The following WNK2 variants were observed in gnomAD, a reference collection of about 807,000 sequenced individuals.
WNK2 encodes serine/threonine-protein kinase WNK2.
A neutral mutation model predicts 192.1 loss-of-function variants in WNK2; 67 were observed. That is an observed-to-expected ratio of 0.35 (90% CI 0.29 to 0.43). The LOEUF is 0.43. Among genes scored for constraint, WNK2 ranks in the 20% least tolerant of loss-of-function variants. The pLI, the probability that WNK2 is intolerant of heterozygous loss-of-function variation, is 1.00. For missense variants in WNK2, 2,698 were observed against 3,089.7 expected, an observed-to-expected ratio of 0.87 and a Z score of 3.01; for synonymous variants, 1,439 against 1,393.9, an observed-to-expected ratio of 1.03 and a Z score of -0.72.
In WNK2 at chr9:93,230,550, GCT is replaced by G. The variant is rs143556641; in HGVS notation, c.855-337_855-336del. Among the ~76,000 whole-genome samples, 65 of 152,314 alleles carry G rather than the reference GCT, an allele frequency of 4.3e-4. 1 individual carries two copies. The East Asian group carries it at 0.012, about 29-fold the overall frequency. On this transcript the variant is annotated intron_variant, in intron 3 of 29. Transcript: ENST00000427277. ...CCCTCACCCCCTCACCTGAGCATCT[GCT>G]GGCTGGTACTCCGTCCTGCCTTGGG... is the stretch of plus-strand genomic sequence containing the variant.
intron 7 of WNK2, among the ~76,000 whole-genome samples, chr9:93,243,220 C>A (rs367658205): frequency 6.6e-6 from 1 of 152,128 alleles, no homozygotes; most frequent in Non-Finnish European, 1.5e-5. Flanking sequence ...CTAGCTGCTC[C>A]GAAGACAGGC....
chr9:93,272,758 T>TAAAAA (rs75730042), intron 19 of WNK2, among the ~76,000 whole-genome samples: 1 of 66,374 alleles, frequency 1.5e-5, no homozygotes, highest in Admixed American at 1.5e-4. Flanking sequence ...AAAAAAAAAT[T>TAAAAA]CAAATAACCC....
rs918264617 is a variant in WNK2 at position 93,308,597 on chromosome 9, CGGGTGGGGCGGGTGCTCCTG to C, written c.6516+22_6516+41del. The C allele has an allele frequency of 7.0e-5, 22 of 313,838 alleles. No individual in the cohort carries two copies. Among genetic ancestry groups the C allele is most frequent in the Non-Finnish European group, 1.2e-4 (21 of 175,414 alleles). The allele number at this position is 313,838 out of a possible 1,614,324, so 19.4% of individuals were successfully genotyped here. On this transcript the variant is annotated intron_variant, in intron 28 of 29. Coordinates refer to ENST00000427277, the MANE Select transcript of WNK2 (RefSeq NM_006648.4). ...CGAGGCGCGGGCTGTGAGTGCGGGGCGGGTGGGGCGGGTGCTCCTGGGGTGGGGTAGCCTTGCCTCCAGCA... is the reference window on the plus strand; with the variant it reads ...CGAGGCGCGGGCTGTGAGTGCGGGGCGGGTGGGGTAGCCTTGCCTCCAGCA...
intron 28 of WNK2, among the ~76,000 whole-genome samples, chr9:93,314,183 G>A (rs1184997630): frequency 1.3e-5 from 2 of 152,158 alleles, no homozygotes; most frequent in African/African-American, 4.8e-5. Context: ...TCAGGAGGCT[G>A]AGGCAGGAGA....
chr9:93,211,618 T>TCACTCACCCACCCACTCATC (rs1006756483), intron 2 of WNK2, among the ~76,000 whole-genome samples: 8 of 149,276 alleles, frequency 5.4e-5, no homozygotes. Context: ...ACCCACTCAT[T>TCACTCACCCACCCACTCATC]CACTCACCCA....
chr9:93,301,589 C>G (rs976670230), intron 26 of WNK2, among the ~76,000 whole-genome samples: 3 of 152,168 alleles, frequency 2.0e-5, no homozygotes, highest in Non-Finnish European at 4.4e-5. Context: ...GCCTTCCCCC[C>G]CACCCCTGCG....
At chr9:93,241,483 A>C (rs909712188) in intron 7 of WNK2, among the ~76,000 whole-genome samples, 1 of 152,190 alleles carries the variant, frequency 6.6e-6, no homozygotes, top group Admixed American at 6.5e-5. Flanking sequence ...CGTCTGTTGA[A>C]AATGTCCATC....
At chr9:93,241,522 C>T (rs1396032667) in intron 7 of WNK2, among the ~76,000 whole-genome samples, 1 of 152,186 alleles carries the variant, frequency 6.6e-6, no homozygotes, top group African/African-American at 2.4e-5. Flanking sequence ...GATGATTCTT[C>T]CCAAGCTTCA....
intron 5 of WNK2, 102 bp downstream of exon 5, chr9:93,235,067 T>C: frequency 7.0e-7 from 1 of 1,427,566 alleles, no homozygotes; most frequent in Non-Finnish European, 9.5e-7. Context: ...TCCTGGCAGC[T>C]GTGTAAGGAG....
rs768001319 is a variant in WNK2, at chr9:93,292,830, C to T, written c.5365C>T (p.Arg1789Trp). 2.1e-5 allele frequency: 31 copies of T among 1,509,320 alleles called. No individual in the cohort carries two copies. In the East Asian group the frequency reaches 4.2e-4, roughly 20 times the overall value. The allele number at this position is 1,509,320 out of a possible 1,614,324, so 93.5% of individuals were successfully genotyped here. Residue 1789 changes from arginine (R) to tryptophan (W), a missense_variant, in exon 23 of 30, where the codon CGG (arginine) becomes TGG (tryptophan). Around this residue, in one of 7 missense-constraint regions of WNK2, gnomAD observed 1,098 missense variants for 1,101.0 expected, o/e 1.00. Transcript: ENST00000427277. ...PSSPDVKLAV[R>W]RAQTASSIEV... is the part of the protein sequence containing the mutation. ...CAGCCCCGACGTGAAGCTGGCAGTG[C>T]GGCGGGCGCAGACGGCCTCCTCCAT...
chr9:93,253,725 A>G (rs4744204), intron 9 of WNK2, among the ~76,000 whole-genome samples: 151,665 of 152,272 alleles, frequency 1, 75,532 homozygotes, highest in East Asian at 1. Context: ...CTGTGACGAC[A>G]CGTGTGGGTT....
At chr9:93,268,910 C>T (rs1396921992) in intron 19 of WNK2, 164 bp downstream of exon 19, 2 of 1,561,600 alleles carry the variant, frequency 1.3e-6, no homozygotes, top group Non-Finnish European at 1.7e-6. Context: ...TGTTCCTATC[C>T]TTGTTTTCTG....
rs562514097 is a variant in WNK2 at position 93,262,000 on chromosome 9, A to C, written c.3253A>C (p.Thr1085Pro). The C allele has an allele frequency of 6.2e-7, 1 of 1,611,620 alleles. No homozygotes were observed. Among genetic ancestry groups the C allele is most frequent in the African/African-American group, 1.3e-5 (1 of 74,974 alleles). The part of the protein sequence containing the change: ...TVSASVQSVP[T>P]QTATLLPPAN... Reference sequence around the variant, plus strand: ...GTCTGCCTCTGTGCAGAGTGTGCCCACCCAGACTGCCACACTTCTGCCACC... The same window carrying C: ...GTCTGCCTCTGTGCAGAGTGTGCCCCCCCAGACTGCCACACTTCTGCCACC... The change falls in exon 13 of 30, where the codon ACC becomes CCC. Residue 1085 changes from threonine (T) to proline (P), a missense_variant. Thr to Pro is a conservative substitution (Grantham distance 38). This residue lies in a region of WNK2 where 893 missense variants were observed against 909.0 expected (regional missense o/e 0.98). Transcript: ENST00000427277.
intron 28 of WNK2, chr9:93,316,081 AT>A (rs1264328145): frequency 6.6e-6 from 1 of 152,208 alleles, no homozygotes; most frequent in Non-Finnish European, 1.5e-5. Context: ...TTGAGCAGAC[AT>A]TCGTCAAGTG....
intron 28 of WNK2, among the ~76,000 whole-genome samples, chr9:93,311,675 G>C (rs975855806): frequency 2.0e-5 from 3 of 148,860 alleles, no homozygotes; most frequent in African/African-American, 5.0e-5. Flanking sequence ...GCCCAGGCTG[G>C]AGTGCAATGA....
In WNK2 at chr9:93,239,334, G is replaced by T. The variant is rs1027521974; in HGVS notation, c.1323-423G>T. On this transcript the variant is annotated intron_variant, in intron 6 of 29. Transcript: ENST00000427277. The surrounding 1 kb of genome is among the most constrained non-coding windows in gnomAD (Gnocchi z 4.2). ...TGCTTCATGGCACTGGGCACAGGGA[G>T]CTCAGAGCGTGGGGGGCTCCGCCTC... Among the ~76,000 whole-genome samples, 2 of 152,232 alleles carry T rather than the reference G, an allele frequency of 1.3e-5. No homozygotes were observed. The highest frequency in any genetic ancestry group is 4.8e-5 in the African/African-American group (2 of 41,452).
chr9:93,241,589 T>C (rs775672356), intron 7 of WNK2, among the ~76,000 whole-genome samples: 25 of 151,508 alleles, frequency 1.7e-4, no homozygotes, highest in African/African-American at 6.1e-4. Context: ...TGCAGAGAGG[T>C]GGGAGGGGCG....
At position 93,186,045 on chromosome 9, in the gene WNK2, A is replaced by G. The variant is rs1234875352; in HGVS notation, c.681+435A>G. Among the ~76,000 whole-genome samples, 5 of 151,986 alleles carry G rather than the reference A, an allele frequency of 3.3e-5. No homozygotes were observed. The South Asian group carries it at 1.0e-3, about 32-fold the overall frequency. ...TTCAAGGCCCGGTGTGTGCAGTCAG[A>G]GTGTTTTGGGGGCTCTGGGCTGCCC... On this transcript the variant is annotated intron_variant, in intron 2 of 29. Transcript: ENST00000427277.
intron 19 of WNK2, among the ~76,000 whole-genome samples, chr9:93,287,956 G>A (rs1848692450): frequency 1.3e-5 from 2 of 152,116 alleles, no homozygotes; most frequent in Non-Finnish European, 2.9e-5. Context: ...TGAGGTGGGA[G>A]GATTGCTTGA....
Sources: allele counts gnomAD v4.1 joint callset (sites outside exome capture counted in the v4.1 genomes callset), GRCh38; gene constraint gnomAD v4.1.1; regional missense constraint gnomAD v4.1.1; non-coding constraint Gnocchi (gnomAD v3.1); transcripts MANE v1.5; gene names NCBI Gene and HGNC (gene_info 2026-07-23, HGNC 2026-07-21).